The following MGAT4C variants were observed in gnomAD, a reference collection of about 807,000 sequenced individuals.
MGAT4C encodes MGAT4 family member C, also known as alpha-1,3-mannosyl-glycoprotein 4-beta-N-acetylglucosaminyltransferase C.
A neutral mutation model predicts 40.1 loss-of-function variants in MGAT4C; 19 were observed. The observed-to-expected ratio is 0.47, with a 90% CI of 0.33 to 0.70. The LOEUF (loss-of-function observed/expected upper bound fraction) is 0.70. Ranked by LOEUF, MGAT4C falls within the 30% of genes least tolerant of loss-of-function variation. MGAT4C has a pLI of 0.02. For missense variants in MGAT4C, 491 were observed against 563.2 expected, an observed-to-expected ratio of 0.87 and a Z score of 1.30; for synonymous variants, 181 against 187.1, an observed-to-expected ratio of 0.97 and a Z score of 0.27.
intron 2 of MGAT4C, among the ~76,000 whole-genome samples, chr12:86,582,087 A>G (rs1024848130): frequency 6.6e-6 from 1 of 151,406 alleles, no homozygotes; most frequent in African/African-American, 2.4e-5. Flanking sequence ...CATTCTTGTA[A>G]AAGAGTATAA....
At chr12:86,268,072 A>G (rs1166820264) in intron 4 of MGAT4C, among the ~76,000 whole-genome samples, 1 of 152,156 alleles carries the variant, frequency 6.6e-6, no homozygotes, top group Non-Finnish European at 1.5e-5. Flanking sequence ...GCTTAGAAAG[A>G]TAGCTGTGTA....
At chr12:86,012,270 A>G (rs527331720) in intron 2 of MGAT4C, among the ~76,000 whole-genome samples, 1 of 152,308 alleles carries the variant, frequency 6.6e-6, no homozygotes, top group Admixed American at 6.5e-5. Flanking sequence ...TGTGTTTTCA[A>G]AAACAGCTTC....
At chr12:86,029,659 C>T (rs1890561172) in intron 2 of MGAT4C, among the ~76,000 whole-genome samples, 1 of 151,844 alleles carries the variant, frequency 6.6e-6, no homozygotes, top group South Asian at 2.1e-4. Flanking sequence ...TTTTCTTCAA[C>T]AAGGAGGGAG....
chr12:86,628,689 C>T (rs1962907276), intron 2 of MGAT4C, among the ~76,000 whole-genome samples: 1 of 152,042 alleles, frequency 6.6e-6, no homozygotes, highest in Non-Finnish European at 1.5e-5. Context: ...TACAGACAAG[C>T]AAATGCTGAG....
intron 2 of MGAT4C, among the ~76,000 whole-genome samples, chr12:86,437,643 C>A (rs1957159461): frequency 6.6e-6 from 1 of 151,874 alleles, no homozygotes; most frequent in African/African-American, 2.4e-5. Context: ...GGTAACCCTG[C>A]ATTGAATAAA....
intron 2 of MGAT4C, among the ~76,000 whole-genome samples, chr12:86,478,848 T>A (rs1957885864): frequency 6.6e-6 from 1 of 152,084 alleles, no homozygotes; most frequent in African/African-American, 2.4e-5. Context: ...CTATTAATAT[T>A]AAGTAATGTG....
intron 2 of MGAT4C, among the ~76,000 whole-genome samples, chr12:86,620,721 T>C (rs1258948814): frequency 6.6e-6 from 1 of 152,190 alleles, no homozygotes; most frequent in Non-Finnish European, 1.5e-5. Flanking sequence ...AGCTGAATTC[T>C]AATCCCCAGT....
chr12:86,650,228 CAAAG>C (rs943198871), intron 2 of MGAT4C, among the ~76,000 whole-genome samples: 6 of 151,854 alleles, frequency 4.0e-5, no homozygotes, highest in African/African-American at 1.4e-4. Context: ...TATCCTACAA[CAAAG>C]AGTTACATCA....
intron 2 of MGAT4C, among the ~76,000 whole-genome samples, chr12:86,609,653 A>G (rs1962174964): frequency 6.6e-6 from 1 of 152,058 alleles, no homozygotes; most frequent in African/African-American, 2.4e-5. Flanking sequence ...GTTTTTCTGA[A>G]AACTCTGTTT....
chr12:86,519,018 A>T (rs1958745170), intron 2 of MGAT4C, among the ~76,000 whole-genome samples: 1 of 152,212 alleles, frequency 6.6e-6, no homozygotes, highest in South Asian at 2.1e-4. Flanking sequence ...ACACCAGGTG[A>T]GTAGTGCCTA....
At chr12:86,717,588 G>A (rs188384227) in intron 2 of MGAT4C, among the ~76,000 whole-genome samples, 3 of 152,078 alleles carry the variant, frequency 2.0e-5, no homozygotes, top group East Asian at 3.9e-4. Context: ...TAAGTTGTGA[G>A]GTTTTCTGAG....
intron 2 of MGAT4C, among the ~76,000 whole-genome samples, chr12:86,621,632 C>G (rs892108439): frequency 5.3e-5 from 8 of 152,064 alleles, no homozygotes; most frequent in Non-Finnish European, 1.2e-4. Context: ...GTGCACACCA[C>G]CATGGCTGGC....
chr12:86,638,318 A>T (rs954936427), intron 2 of MGAT4C, among the ~76,000 whole-genome samples: 3 of 151,788 alleles, frequency 2.0e-5, no homozygotes, highest in Non-Finnish European at 4.4e-5. Flanking sequence ...TTTAGACATT[A>T]CCCTGGACAG....
chr12:86,560,867 A>G (rs1396790286), intron 2 of MGAT4C, among the ~76,000 whole-genome samples: 1 of 152,274 alleles, frequency 6.6e-6, no homozygotes, highest in East Asian at 1.9e-4. Context: ...TTCTTTGCAG[A>G]AAACAAAATC....
chr12:86,470,675 G>T (rs1957745695), intron 2 of MGAT4C, among the ~76,000 whole-genome samples: 1 of 151,926 alleles, frequency 6.6e-6, no homozygotes, highest in African/African-American at 2.4e-5. Context: ...ATAGGCAAAG[G>T]GCATATTTTA....
chr12:86,700,739 A>G (rs2136614692), intron 2 of MGAT4C, among the ~76,000 whole-genome samples: 1 of 152,256 alleles, frequency 6.6e-6, no homozygotes, highest in East Asian at 1.9e-4. Flanking sequence ...TGTTATTCTA[A>G]GTATTGATTC....
At chr12:86,184,122 A>T (rs567498221) in intron 1 of MGAT4C, among the ~76,000 whole-genome samples, 16 of 152,306 alleles carry the variant, frequency 1.1e-4, no homozygotes, top group African/African-American at 3.6e-4. Flanking sequence ...ATTTTGTTGT[A>T]GCATTGATTT....
chr12:86,248,192 T>TCC (rs1952113997), intron 1 of MGAT4C, among the ~76,000 whole-genome samples: 3 of 146,362 alleles, frequency 2.0e-5, no homozygotes, highest in African/African-American at 2.5e-5. Context: ...GAACCTAGTT[T>TCC]CTCTTCCTTC....
At chr12:86,214,032 T>G (rs577473406) in intron 1 of MGAT4C, among the ~76,000 whole-genome samples, 8 of 152,232 alleles carry the variant, frequency 5.3e-5, no homozygotes, top group Non-Finnish European at 1.0e-4. Flanking sequence ...TTGCATTCTT[T>G]AAAGTATACC....
Sources: allele counts gnomAD v4.1 joint callset (sites outside exome capture counted in the v4.1 genomes callset), GRCh38; gene constraint gnomAD v4.1.1; transcripts MANE v1.5; gene names NCBI Gene and HGNC (gene_info 2026-07-23, HGNC 2026-07-21).